Variants in NTRK3 observed in about 807,000 individuals in gnomAD.
NTRK3 encodes the protein neurotrophic receptor tyrosine kinase 3.
NTRK3 carries 24 observed loss-of-function variants against 91.7 expected under a neutral mutation model. The ratio of observed to expected loss-of-function variants is 0.26; its 90% CI spans 0.19 to 0.37. The LOEUF is 0.37. NTRK3 is among the 10% of genes least tolerant of loss of function. The probability of loss-of-function intolerance (pLI) is 1.00; values close to 1 mark genes in which losing one functional copy is unlikely to be tolerated. For missense variants in NTRK3, 880 were observed against 1,068.9 expected (o/e 0.82, Z 2.46); for synonymous variants, 483 against 404.0 (o/e 1.20, Z -2.34).
chr15:88,166,407 G>A (rs10520676), intron 5 of NTRK3, among the ~76,000 whole-genome samples: 39,922 of 151,970 alleles, frequency 0.26, 5,775 homozygotes, highest in African/African-American at 0.39. Context: ...AGTGGCATTC[G>A]CTTAAGGACA....
chr15:88,064,220 T>C (rs926877056), intron 13 of NTRK3, among the ~76,000 whole-genome samples: 4 of 152,244 alleles, frequency 2.6e-5, no homozygotes, highest in Non-Finnish European at 4.4e-5. Flanking sequence ...GGCAGGAGCA[T>C]GGCTCTGCTG....
chr15:88,036,183 TGCACATACAC>T (rs1251679269), intron 13 of NTRK3, among the ~76,000 whole-genome samples: 1 of 152,090 alleles, frequency 6.6e-6, no homozygotes, highest in Non-Finnish European at 1.5e-5. Context: ...TGAATGTATG[TGCACATACAC>T]GCACATACAC....
intron 5 of NTRK3, among the ~76,000 whole-genome samples, chr15:88,179,989 GAAT>G (rs753324939): frequency 3.3e-4 from 50 of 152,282 alleles, no homozygotes; most frequent in Non-Finnish European, 7.1e-4. Flanking sequence ...GAAGTGGTCA[GAAT>G]ACCCATCAAG....
At chr15:87,941,699 A>G (rs1308412428) in intron 14 of NTRK3, among the ~76,000 whole-genome samples, 1 of 152,210 alleles carries the variant, frequency 6.6e-6, no homozygotes, top group African/African-American at 2.4e-5. Flanking sequence ...GTGTGTGCAG[A>G]GAGAAGGGTT....
intron 14 of NTRK3, among the ~76,000 whole-genome samples, chr15:87,970,676 C>A (rs2073180485): frequency 6.6e-6 from 1 of 152,162 alleles, no homozygotes; most frequent in African/African-American, 2.4e-5. Flanking sequence ...TAAGAGCTGG[C>A]CATATTGTGC....
intron 17 of NTRK3, among the ~76,000 whole-genome samples, chr15:87,883,237 G>C (rs886193759): frequency 6.7e-6 from 1 of 149,578 alleles, no homozygotes; most frequent in Non-Finnish European, 1.5e-5. Flanking sequence ...AAAAACTAAA[G>C]TAAGACTAAA....
intron 5 of NTRK3, among the ~76,000 whole-genome samples, chr15:88,163,556 G>A (rs1160646290): frequency 6.6e-6 from 1 of 152,198 alleles, no homozygotes; most frequent in Non-Finnish European, 1.5e-5. Context: ...GAATCCTGGA[G>A]TAAAACGACA....
exon 19 of NTRK3, chr15:87,865,485 A>C (rs2064643804): frequency 4.6e-6 from 1 of 215,228 alleles, no homozygotes; most frequent in Non-Finnish European, 9.4e-6. Flanking sequence ...GGGCCTATTA[A>C]AGGTGTGGTC....
At chr15:88,056,986 C>T (rs963105152) in intron 13 of NTRK3, among the ~76,000 whole-genome samples, 2 of 151,502 alleles carry the variant, frequency 1.3e-5, no homozygotes, top group Admixed American at 6.6e-5. Flanking sequence ...CTCGCTAACA[C>T]GGTGAAACCC....
chr15:88,093,025 T>C (rs1225676295), intron 13 of NTRK3, among the ~76,000 whole-genome samples: 1 of 151,894 alleles, frequency 6.6e-6, no homozygotes, highest in Non-Finnish European at 1.5e-5. Context: ...CCTGATTTTT[T>C]GTTTCTGGTT....
chr15:87,946,102 T>A (rs1264894852), intron 14 of NTRK3: 1 of 152,232 alleles, frequency 6.6e-6, no homozygotes, highest in African/African-American at 2.4e-5. Flanking sequence ...AAAAGAAATG[T>A]GGAGAAGGAT....
chr15:87,921,976 G>C (rs2067912509), intron 17 of NTRK3, among the ~76,000 whole-genome samples: 1 of 151,996 alleles, frequency 6.6e-6, no homozygotes, highest in South Asian at 2.1e-4. Context: ...TCATCTGCCT[G>C]GCTTCTCAGC....
chr15:88,098,119 T>C (rs571665951), intron 13 of NTRK3, among the ~76,000 whole-genome samples: 4 of 152,356 alleles, frequency 2.6e-5, no homozygotes, highest in African/African-American at 9.6e-5. Context: ...AAGCTGCTAC[T>C]GAAAGGATAA....
intron 13 of NTRK3, among the ~76,000 whole-genome samples, chr15:88,061,632 C>A (rs1302533947): frequency 6.6e-6 from 1 of 152,250 alleles, no homozygotes; most frequent in East Asian, 1.9e-4. Context: ...GCTCACTAAG[C>A]CAGTCCTTCC....
chr15:88,168,021 A>C (rs2045146297), intron 5 of NTRK3, among the ~76,000 whole-genome samples: 1 of 152,218 alleles, frequency 6.6e-6, no homozygotes, highest in African/African-American at 2.4e-5. Flanking sequence ...CAGCTCAAAA[A>C]GATTAGATGA....
intron 14 of NTRK3, among the ~76,000 whole-genome samples, chr15:88,019,768 A>C (rs1334410914): frequency 1.3e-5 from 2 of 152,334 alleles, no homozygotes; most frequent in East Asian, 3.9e-4. Context: ...AATCACAAAA[A>C]GTAGAGCTAG....
intron 3 of NTRK3, among the ~76,000 whole-genome samples, chr15:88,186,332 C>T (rs1248256181): frequency 6.6e-6 from 1 of 152,184 alleles, no homozygotes; most frequent in Non-Finnish European, 1.5e-5. Context: ...TGTTCTCAAG[C>T]CTTACCCTTC....
At chr15:87,909,221 C>T (rs958279420) in intron 17 of NTRK3, among the ~76,000 whole-genome samples, 1 of 152,064 alleles carries the variant, frequency 6.6e-6, no homozygotes, top group Admixed American at 6.5e-5. Context: ...CCCCTCACCA[C>T]TCAGGAAAAA....
intron 17 of NTRK3, among the ~76,000 whole-genome samples, chr15:87,915,674 C>T (rs2067394943): frequency 6.6e-6 from 1 of 152,112 alleles, no homozygotes; most frequent in Non-Finnish European, 1.5e-5. Context: ...TAGGGAAAAC[C>T]TTGGCTTGTA....
Sources: gnomAD v4.1 joint callset for allele counts (sites outside exome capture counted in the v4.1 genomes callset) on GRCh38, gnomAD v4.1.1 for gene constraint, MANE v1.5 for transcripts, NCBI Gene and HGNC (gene_info 2026-07-23, HGNC 2026-07-21) for gene names.